NRG3: variants seen among roughly 807,000 people sequenced by gnomAD.
The protein encoded by NRG3 is pro-neuregulin-3, membrane-bound isoform.
NRG3 carries 31 observed loss-of-function variants against 66.9 expected under a neutral mutation model. The observed-to-expected ratio is 0.46, with a 90% CI of 0.35 to 0.63. The LOEUF (loss-of-function observed/expected upper bound fraction) is 0.63. Ranked by LOEUF, NRG3 falls within the 20% of genes least tolerant of loss-of-function variation. The pLI is 0.00. For synonymous variants in NRG3, 393 were observed against 359.4 expected (o/e 1.09, Z -1.06); for missense variants, 910 against 878.9 (o/e 1.04, Z -0.45).
chr10:82,506,049 C>A (rs766955742), intron 2 of NRG3, among the ~76,000 whole-genome samples: 2 of 152,072 alleles, frequency 1.3e-5, no homozygotes, highest in Non-Finnish European at 2.9e-5. Context: ...AGACTGAGAC[C>A]ATCCTGGCTA....
At chr10:82,616,152 G>A (rs1210522967) in intron 2 of NRG3, among the ~76,000 whole-genome samples, 1 of 152,094 alleles carries the variant, frequency 6.6e-6, no homozygotes, top group Non-Finnish European at 1.5e-5. Context: ...AATTGCCATT[G>A]TAACTGGAAA....
intron 1 of NRG3, among the ~76,000 whole-genome samples, chr10:81,880,532 G>A (rs548633806): frequency 5.9e-4 from 90 of 152,314 alleles, no homozygotes; most frequent in African/African-American, 2.0e-3. Context: ...GATCCAGGAT[G>A]TAGAGGAATA....
At chr10:82,557,023 C>A (rs1238561202) in intron 2 of NRG3, among the ~76,000 whole-genome samples, 1 of 152,130 alleles carries the variant, frequency 6.6e-6, no homozygotes, top group Admixed American at 6.5e-5. Context: ...ACCACATTTT[C>A]TTTATCCAGT....
At chr10:82,571,792 G>A (rs1026179186) in intron 2 of NRG3, among the ~76,000 whole-genome samples, 4 of 151,490 alleles carry the variant, frequency 2.6e-5, no homozygotes, top group African/African-American at 4.8e-5. Flanking sequence ...TATACAAAAA[G>A]CCCATGGTGA....
chr10:82,389,457 A>C (rs1180384130), intron 2 of NRG3, among the ~76,000 whole-genome samples: 1 of 152,114 alleles, frequency 6.6e-6, no homozygotes, highest in African/African-American at 2.4e-5. Flanking sequence ...TTTATGCATT[A>C]CTCTCATTTA....
chr10:82,048,397 G>A (rs563829425), intron 1 of NRG3, among the ~76,000 whole-genome samples: 37 of 152,108 alleles, frequency 2.4e-4, no homozygotes, highest in South Asian at 4.2e-4. Context: ...ATAACAAACT[G>A]TCTCTCAGAC....
chr10:82,590,240 A>G (rs2046903903), intron 2 of NRG3, among the ~76,000 whole-genome samples: 1 of 152,186 alleles, frequency 6.6e-6, no homozygotes, highest in African/African-American at 2.4e-5. Flanking sequence ...ACTTAACGGT[A>G]ATGATCAAGA....
intron 3 of NRG3, among the ~76,000 whole-genome samples, chr10:82,765,521 T>C (rs939559705): frequency 3.9e-5 from 6 of 152,186 alleles, no homozygotes; most frequent in African/African-American, 9.6e-5. Flanking sequence ...TACTCAGAAA[T>C]TGAAATTTAT....
At chr10:82,856,301 C>A (rs1035367862) in intron 3 of NRG3, among the ~76,000 whole-genome samples, 14 of 152,026 alleles carry the variant, frequency 9.2e-5, no homozygotes, top group African/African-American at 3.1e-4. Flanking sequence ...AAACAACTAC[C>A]CTTCAGTCCT....
At chr10:82,309,588 CT>C (rs2080920999) in intron 1 of NRG3, among the ~76,000 whole-genome samples, 1 of 152,132 alleles carries the variant, frequency 6.6e-6, no homozygotes, top group Admixed American at 6.5e-5. Flanking sequence ...TCTATCCAAG[CT>C]GCCTAGCTGC....
At chr10:82,526,159 A>G (rs552081156) in intron 2 of NRG3, among the ~76,000 whole-genome samples, 3 of 152,020 alleles carry the variant, frequency 2.0e-5, no homozygotes, top group Admixed American at 1.3e-4. Context: ...TTATACTTCA[A>G]TATAATTTGC....
At chr10:81,930,202 A>G (rs1482171380) in intron 1 of NRG3, among the ~76,000 whole-genome samples, 1 of 152,110 alleles carries the variant, frequency 6.6e-6, no homozygotes, top group Admixed American at 6.5e-5. Flanking sequence ...GTACACTGCA[A>G]TTCAGTTCTC....
chr10:82,423,633 C>A (rs2089227849), intron 2 of NRG3, among the ~76,000 whole-genome samples: 1 of 151,922 alleles, frequency 6.6e-6, no homozygotes, highest in South Asian at 2.1e-4. Context: ...ACTTTTAAGT[C>A]TATTTTTTAA....
intron 1 of NRG3, among the ~76,000 whole-genome samples, chr10:81,919,972 G>C (rs1374723637): frequency 6.6e-6 from 1 of 152,108 alleles, no homozygotes; most frequent in Non-Finnish European, 1.5e-5. Context: ...ACATCTGACA[G>C]ATACACTAAT....
At chr10:81,914,628 T>C (rs1041098775) in intron 1 of NRG3, among the ~76,000 whole-genome samples, 1 of 151,990 alleles carries the variant, frequency 6.6e-6, no homozygotes, top group Non-Finnish European at 1.5e-5. Context: ...TGGGGGTGTG[T>C]GCCTGTAGTT....
intron 1 of NRG3, among the ~76,000 whole-genome samples, chr10:82,111,491 A>C (rs528557256): frequency 1.3e-5 from 2 of 152,112 alleles, no homozygotes; most frequent in Non-Finnish European, 2.9e-5. Flanking sequence ...CATGCCCTCT[A>C]TGCTGTTATC....
intron 3 of NRG3, among the ~76,000 whole-genome samples, chr10:82,812,624 A>G (rs343752): frequency 0.74 from 112,956 of 152,104 alleles, 42,673 homozygotes; most frequent in African/African-American, 0.89. Context: ...TAAAACAAAA[A>G]ATGAATTTAA....
intron 2 of NRG3, among the ~76,000 whole-genome samples, chr10:82,665,138 C>T (rs1380060348): frequency 1.3e-5 from 2 of 152,074 alleles, no homozygotes; most frequent in Non-Finnish European, 2.9e-5. Context: ...CATCCCGTTC[C>T]TGAAACCTGA....
chr10:82,873,950 A>T (rs1223587688), intron 4 of NRG3, among the ~76,000 whole-genome samples: 1 of 152,036 alleles, frequency 6.6e-6, no homozygotes, highest in African/African-American at 2.4e-5. Context: ...GAAAAATAAG[A>T]TTCTTAATTA....
Sources: gnomAD v4.1 joint callset for allele counts (sites outside exome capture counted in the v4.1 genomes callset) on GRCh38, gnomAD v4.1.1 for gene constraint, MANE v1.5 for transcripts, NCBI Gene and HGNC (gene_info 2026-07-23, HGNC 2026-07-21) for gene names.